The following SGCG variants were observed in gnomAD, a reference collection of about 807,000 sequenced individuals.
SGCG encodes sarcoglycan gamma.
Under a neutral mutation model 29.3 loss-of-function variants are expected in SGCG, and 26 were observed. The observed-to-expected ratio is 0.89, with a 90% CI of 0.65 to 1.23. SGCG has a LOEUF of 1.23. Ranked by LOEUF, SGCG falls within the 50% of genes most tolerant of loss-of-function variation. The pLI is 0.00. For missense variants in SGCG, 353 were observed against 356.0 expected (o/e 0.99, Z 0.07); for synonymous variants, 145 against 129.7 (o/e 1.12, Z -0.80).
chr13:23,301,309 ATT>A (rs1176000511), intron 6 of SGCG, among the ~76,000 whole-genome samples: 1 of 152,214 alleles, frequency 6.6e-6, no homozygotes, highest in Non-Finnish European at 1.5e-5. Flanking sequence ...AAGACAAGAT[ATT>A]TTGAAAAATG....
At chr13:23,226,484 G>C (rs1445905271) in intron 2 of SGCG, among the ~76,000 whole-genome samples, 3 of 151,790 alleles carry the variant, frequency 2.0e-5, no homozygotes, top group Non-Finnish European at 4.4e-5. Flanking sequence ...AAAATAGACA[G>C]TGTTCATGCA....
At chr13:23,231,305 A>G (rs771082381) in intron 2 of SGCG, among the ~76,000 whole-genome samples, 8 of 148,178 alleles carry the variant, frequency 5.4e-5, no homozygotes, top group Non-Finnish European at 1.2e-4. Flanking sequence ...TGTTTGAATG[A>G]GCTGGGAATG....
chr13:23,197,481 GC>G (rs1450943506), intron 1 of SGCG, among the ~76,000 whole-genome samples: 1 of 152,150 alleles, frequency 6.6e-6, no homozygotes, highest in African/African-American at 2.4e-5. Context: ...GGTTTGCTAA[GC>G]CCTCAGTCAG....
chr13:23,181,677 A>G (rs1285164757), intron 1 of SGCG, among the ~76,000 whole-genome samples: 3 of 152,238 alleles, frequency 2.0e-5, no homozygotes, highest in Non-Finnish European at 4.4e-5. Flanking sequence ...TATGTATGAA[A>G]AAATAAACAT....
chr13:23,205,067 T>C (rs926690070), intron 2 of SGCG, among the ~76,000 whole-genome samples: 8 of 152,006 alleles, frequency 5.3e-5, no homozygotes, highest in Non-Finnish European at 8.8e-5. Context: ...ATATATGATA[T>C]AAGCTGTTAA....
intron 6 of SGCG, among the ~76,000 whole-genome samples, chr13:23,299,429 TATATATATATA>T (rs1882040942): frequency 7.0e-5 from 1 of 14,248 alleles, no homozygotes; most frequent in African/African-American, 1.9e-4. Context: ...TATATATATA[TATATATATATA>T]TATATATATA....
intron 1 of SGCG, among the ~76,000 whole-genome samples, chr13:23,188,175 A>G (rs1318466859): frequency 6.6e-6 from 1 of 152,174 alleles, no homozygotes; most frequent in Non-Finnish European, 1.5e-5. Context: ...AGTGCAAGAT[A>G]CAATAATTAA....
chr13:23,295,269 T>C, intron 5 of SGCG, 146 bp from the exon 6 acceptor site: 1 of 727,180 alleles, frequency 1.4e-6, no homozygotes, highest in South Asian at 1.5e-5. Context: ...TTGGGCCTAT[T>C]TTTCTACCTG....
intron 2 of SGCG, among the ~76,000 whole-genome samples, chr13:23,207,597 G>A (rs76302203): frequency 0.036 from 5,482 of 152,138 alleles, 213 homozygotes; most frequent in East Asian, 0.2. Flanking sequence ...AAATATATAA[G>A]GAACTCCTAT....
At chr13:23,183,259 G>A (rs1056388506) in intron 1 of SGCG, among the ~76,000 whole-genome samples, 2 of 152,050 alleles carry the variant, frequency 1.3e-5, no homozygotes, top group Admixed American at 6.6e-5. Context: ...AGCTTCCATC[G>A]GCATCACCCA....
chr13:23,307,130 TAAAC>T (rs1882388916), intron 6 of SGCG, among the ~76,000 whole-genome samples: 1 of 152,184 alleles, frequency 6.6e-6, no homozygotes. Flanking sequence ...TGCAAAATAC[TAAAC>T]AAAGTTACTG....
At chr13:23,323,200 G>A (rs1299045828) in intron 7 of SGCG, among the ~76,000 whole-genome samples, 1 of 152,158 alleles carries the variant, frequency 6.6e-6, no homozygotes, top group African/African-American at 2.4e-5. Context: ...TGTGATGTCA[G>A]GAGCAGAGAA....
intron 2 of SGCG, among the ~76,000 whole-genome samples, chr13:23,223,843 G>A (rs1331775822): frequency 6.6e-6 from 1 of 152,152 alleles, no homozygotes; most frequent in Non-Finnish European, 1.5e-5. Flanking sequence ...GTGCGTGCCT[G>A]TAATCCCAGC....
chr13:23,229,269 T>C (rs1879018250), intron 2 of SGCG, among the ~76,000 whole-genome samples: 1 of 150,022 alleles, frequency 6.7e-6, no homozygotes, highest in Admixed American at 6.6e-5. Context: ...AACGCATGCA[T>C]GTGTCTTTAT....
chr13:23,218,174 T>C (rs922615276), intron 2 of SGCG, among the ~76,000 whole-genome samples: 1 of 152,202 alleles, frequency 6.6e-6, no homozygotes, highest in Non-Finnish European at 1.5e-5. Context: ...AGGAAAACTA[T>C]TGAAACAAAT....
At chr13:23,222,429 G>A (rs1878706336) in intron 2 of SGCG, among the ~76,000 whole-genome samples, 1 of 60,888 alleles carries the variant, frequency 1.6e-5, no homozygotes, top group Non-Finnish European at 3.7e-5. Context: ...TAATTTTTAT[G>A]TATGATGTGA....
the SGCG span, among the ~76,000 whole-genome samples, chr13:23,173,430 A>G: frequency 6.6e-6 from 1 of 152,186 alleles, no homozygotes; most frequent in African/African-American, 2.4e-5. Flanking sequence ...AAATCATCTC[A>G]GAGAAGGAGT....
intron 5 of SGCG, among the ~76,000 whole-genome samples, chr13:23,290,531 A>G (rs1005418440): frequency 2.6e-5 from 4 of 152,214 alleles, no homozygotes; most frequent in Non-Finnish European, 4.4e-5. Flanking sequence ...AGTTATTGCT[A>G]TCTTAAGGAG....
upstream of SGCG, among the ~76,000 whole-genome samples, chr13:23,180,723 G>A (rs1593157562): frequency 1.3e-5 from 2 of 152,214 alleles, no homozygotes; most frequent in Non-Finnish European, 2.9e-5. Context: ...GGGTTTAAAT[G>A]TTGGAAAGTT....
Sources: gnomAD v4.1 joint callset for allele counts (sites outside exome capture counted in the v4.1 genomes callset) on GRCh38, gnomAD v4.1.1 for gene constraint, MANE v1.5 for transcripts, NCBI Gene and HGNC (gene_info 2026-07-23, HGNC 2026-07-21) for gene names.